Variants in NUDCD3 observed in about 807,000 individuals in gnomAD.
NUDCD3 encodes nudC domain-containing protein 3.
NUDCD3 carries 13 observed loss-of-function variants against 39.7 expected under a neutral mutation model. The observed-to-expected ratio is 0.33, with a 90% CI of 0.21 to 0.52. NUDCD3 has a LOEUF of 0.52. Ranked by LOEUF, NUDCD3 falls within the 20% of genes least tolerant of loss-of-function variation. NUDCD3 has a pLI of 0.96. For synonymous variants in NUDCD3, 175 were observed against 172.4 expected (o/e 1.02, Z -0.12); for missense variants, 453 against 458.1 (o/e 0.99, Z 0.10).
rs187361732 is a variant in NUDCD3 at position 44,462,141 on chromosome 7, G to A, written c.509+22827C>T. ...CTGAGATAGGAATTATCAGGGACAT[G>A]TACACACACACTCTCTCTCTCTCTC... On this transcript the variant is annotated intron_variant, in intron 2 of 5. Coordinates refer to ENST00000355451, the MANE Select transcript of NUDCD3 (RefSeq NM_015332.4). Among the ~76,000 whole-genome samples the A allele has an allele frequency of 1.3e-3, 202 of 152,082 alleles. 3 individuals are homozygous for A. The highest frequency in any genetic ancestry group is 4.6e-3 in the African/African-American group (189 of 41,488).
intron 2 of NUDCD3, among the ~76,000 whole-genome samples, chr7:44,476,308 AT>A (rs1800368450): frequency 6.6e-6 from 1 of 152,218 alleles, no homozygotes; most frequent in African/African-American, 2.4e-5. Context: ...TGTGAGTGCT[AT>A]AGAAGGAATG....
At chr7:44,410,280 T>C (rs1214774956) in intron 3 of NUDCD3, among the ~76,000 whole-genome samples, 1 of 152,096 alleles carries the variant, frequency 6.6e-6, no homozygotes, top group Non-Finnish European at 1.5e-5. Flanking sequence ...AATAAAATCT[T>C]CAGAACTTAC....
rs559997112 is a variant in NUDCD3 at position 44,395,841 on chromosome 7, C to T, written c.787-3356G>A. ...TCAACTGATGGACATTTCAGGTGCCCCCACTTTTTGGCTGTTGTGAATAAT... is the reference window on the plus strand; with the variant it reads ...TCAACTGATGGACATTTCAGGTGCCTCCACTTTTTGGCTGTTGTGAATAAT... On this transcript the variant is annotated intron_variant, in intron 4 of 5. Coordinates refer to ENST00000355451, the MANE Select transcript of NUDCD3 (RefSeq NM_015332.4). Among the ~76,000 whole-genome samples, 7 of 152,194 alleles carry T rather than the reference C, an allele frequency of 4.6e-5. No homozygotes were observed. The East Asian group carries it at 9.6e-4, about 21-fold the overall frequency.
chr7:44,412,242 ATAAT>A, intron 3 of NUDCD3, among the ~76,000 whole-genome samples: 1 of 152,390 alleles, frequency 6.6e-6, no homozygotes, highest in East Asian at 1.9e-4. Context: ...TGTACTGAGC[ATAAT>A]TAAAGTTATA....
At chr7:44,435,429 G>T (rs1316253157) in intron 2 of NUDCD3, among the ~76,000 whole-genome samples, 2 of 152,094 alleles carry the variant, frequency 1.3e-5, no homozygotes, top group East Asian at 3.9e-4. Context: ...GGGACAATCA[G>T]AAATAAATAA....
At chr7:44,416,493 A>G (rs1799026370) in intron 3 of NUDCD3, among the ~76,000 whole-genome samples, 1 of 151,914 alleles carries the variant, frequency 6.6e-6, no homozygotes, top group Non-Finnish European at 1.5e-5. Flanking sequence ...CTCCAAATCA[A>G]AAAAAAATAA....
At chr7:44,394,426 G>A (rs558886274) in intron 4 of NUDCD3, among the ~76,000 whole-genome samples, 8 of 152,104 alleles carry the variant, frequency 5.3e-5, no homozygotes, top group Non-Finnish European at 8.8e-5. Context: ...ACTCTACCTC[G>A]TCTTTACCAA....
chr7:44,438,196 TA>T (rs143353681), intron 2 of NUDCD3, among the ~76,000 whole-genome samples: 1 of 151,434 alleles, frequency 6.6e-6, no homozygotes, highest in African/African-American at 2.4e-5. Context: ...CCCCATCTCT[TA>T]AAAAAAAATT....
intron 4 of NUDCD3, among the ~76,000 whole-genome samples, chr7:44,399,675 G>C (rs911688054): frequency 2.0e-5 from 3 of 152,186 alleles, no homozygotes; most frequent in African/African-American, 7.2e-5. Context: ...TGGGGATATA[G>C]GGCTAATGTC....
At chr7:44,427,208 T>C (rs1387483890) in intron 3 of NUDCD3, among the ~76,000 whole-genome samples, 4 of 152,308 alleles carry the variant, frequency 2.6e-5, no homozygotes, top group African/African-American at 9.6e-5. Flanking sequence ...GTAATAATGT[T>C]TGAGTATTCC....
At chr7:44,395,517 A>G (rs1798607463) in intron 4 of NUDCD3, among the ~76,000 whole-genome samples, 1 of 152,192 alleles carries the variant, frequency 6.6e-6, no homozygotes, top group Non-Finnish European at 1.5e-5. Context: ...TTACCTCACA[A>G]AGAAGCCCTG....
rs546787655 is a variant in NUDCD3, at chr7:44,451,509, T to C, written c.510-23806A>G. ...AAATTTTATATGTATTGTACTGCAA[T>C]TTTCAGAAACTAAATAAATTTTTAA... On this transcript the variant is annotated intron_variant, in intron 2 of 5. Coordinates refer to ENST00000355451, the MANE Select transcript of NUDCD3 (RefSeq NM_015332.4). Among the ~76,000 whole-genome samples the C allele has an allele frequency of 1.3e-4, 20 of 152,358 alleles. No individual in the cohort carries two copies. The South Asian group carries it at 3.3e-3, about 25-fold the overall frequency.
chr7:44,468,438 T>A, intron 2 of NUDCD3: 2 of 685,676 alleles, frequency 2.9e-6, no homozygotes, highest in Non-Finnish European at 4.8e-6. Context: ...CTTATCAGTG[T>A]CAGAGCTAGC....
chr7:44,465,626 G>GC, intron 2 of NUDCD3, among the ~76,000 whole-genome samples: 1 of 152,308 alleles, frequency 6.6e-6, no homozygotes. Flanking sequence ...AGATAAGTAT[G>GC]CTTGTATTTT....
At chr7:44,431,492 A>G (rs1799361711) in intron 2 of NUDCD3, among the ~76,000 whole-genome samples, 1 of 152,078 alleles carries the variant, frequency 6.6e-6, no homozygotes, top group Non-Finnish European at 1.5e-5. Context: ...CACCAGGGTC[A>G]CCTGCACAGG....
In NUDCD3 at chr7:44,427,663, C is replaced by CA; in HGVS notation, c.549dup (p.Gly184TrpfsTer15). ...CAGGTGTAGTTCTCTCGGACAGCAC[C>CA]ATTGTAACTGTCGGGATTTTTCTGG... On this transcript the variant is annotated frameshift_variant, in exon 3 of 6. Transcript: ENST00000355451. LOFTEE classifies it high-confidence loss of function. The CA allele has an allele frequency of 6.2e-7, 1 of 1,613,630 alleles. No individual in the cohort carries two copies. Among genetic ancestry groups the CA allele is most frequent in the African/African-American group, 1.3e-5 (1 of 74,918 alleles).
chr7:44,446,896 C>T (rs1251787370), intron 2 of NUDCD3, among the ~76,000 whole-genome samples: 1 of 152,138 alleles, frequency 6.6e-6, no homozygotes, highest in African/African-American at 2.4e-5. Context: ...CCTCAGAAAT[C>T]CAGCCCAGTT....
chr7:44,437,920 A>G (rs147518351), intron 2 of NUDCD3, among the ~76,000 whole-genome samples: 172 of 152,336 alleles, frequency 1.1e-3, no homozygotes, highest in African/African-American at 3.9e-3. Context: ...TAAAAATGGA[A>G]GTTTGTACAG....
At position 44,394,885 on chromosome 7, in the gene NUDCD3, C is replaced by T. The variant is rs115560367; in HGVS notation, c.787-2400G>A. On this transcript the variant is annotated intron_variant, in intron 4 of 5. Transcript: ENST00000355451. The stretch of plus-strand genomic sequence containing the variant: ...GTTTCACTGGCCAGGTCCAAACACA[C>T]ACCCAGAGTGGAGGGCTCCTGGGCA... Among the ~76,000 whole-genome samples, 859 of 152,300 alleles carry T rather than the reference C, an allele frequency of 5.6e-3. 5 individuals are homozygous for T. The highest frequency in any genetic ancestry group is 0.02 in the African/African-American group (817 of 41,562).
Sources: gnomAD v4.1 joint callset for allele counts (sites outside exome capture counted in the v4.1 genomes callset) on GRCh38, gnomAD v4.1.1 for gene constraint, MANE v1.5 for transcripts, NCBI Gene and HGNC (gene_info 2026-07-23, HGNC 2026-07-21) for gene names.